PLEKHH2: variants seen among roughly 807,000 people sequenced by gnomAD.
PLEKHH2 encodes the protein pleckstrin homology domain-containing family H member 2.
A neutral mutation model predicts 187.9 loss-of-function variants in PLEKHH2; 129 were observed. The ratio of observed to expected loss-of-function variants is 0.69; its 90% CI spans 0.59 to 0.79. PLEKHH2 has a LOEUF of 0.79. Among genes scored for constraint, PLEKHH2 ranks in the 30% least tolerant of loss-of-function variants. PLEKHH2 has a pLI of 0.00. For missense variants in PLEKHH2, 2,076 were observed against 1,751.2 expected, an observed-to-expected ratio of 1.19 and a Z score of -3.31; for synonymous variants, 686 against 605.6, an observed-to-expected ratio of 1.13 and a Z score of -1.95.
chr2:43,647,378 C>G (rs1212299781), intron 2 of PLEKHH2, among the ~76,000 whole-genome samples: 1 of 152,282 alleles, frequency 6.6e-6, no homozygotes, highest in South Asian at 2.1e-4. Flanking sequence ...GTAGTGGAGC[C>G]AAGATTCAAA....
chr2:43,740,896 A>C (rs151076939), intron 20 of PLEKHH2, 50 bp from the exon 21 acceptor site: 4 of 1,598,328 alleles, frequency 2.5e-6, no homozygotes, highest in African/African-American at 1.3e-5. Flanking sequence ...TCAGATGTGG[A>C]TCTCTGACTG....
intron 17 of PLEKHH2, among the ~76,000 whole-genome samples, 189 bp from the exon 18 acceptor site, chr2:43,729,448 G>A (rs1355309797): frequency 1.3e-5 from 2 of 152,258 alleles, no homozygotes; most frequent in East Asian, 3.9e-4. Context: ...AATGGGAAAA[G>A]GTAATATAAA....
intron 2 of PLEKHH2, among the ~76,000 whole-genome samples, chr2:43,659,384 T>A (rs1018938136): frequency 1.3e-5 from 2 of 151,986 alleles, no homozygotes; most frequent in African/African-American, 4.8e-5. Flanking sequence ...TCAATTCTTG[T>A]CCTTTAAAAA....
intron 25 of PLEKHH2, 60 bp from the exon 26 acceptor site, chr2:43,757,059 C>T (rs950277086): frequency 4.6e-6 from 6 of 1,305,224 alleles, no homozygotes; most frequent in Non-Finnish European, 6.1e-6. Context: ...ATAAAACTAA[C>T]TGATTTTCTG....
intron 10 of PLEKHH2, among the ~76,000 whole-genome samples, chr2:43,706,796 T>C (rs965502018): frequency 3.3e-5 from 5 of 152,192 alleles, no homozygotes; most frequent in African/African-American, 9.7e-5. Flanking sequence ...GGATTGCAGG[T>C]ATTGACAACC....
intron 8 of PLEKHH2, 78 bp from the exon 9 acceptor site, chr2:43,703,903 T>A (rs1325720805): frequency 1.7e-5 from 15 of 869,032 alleles, no homozygotes; most frequent in Non-Finnish European, 2.5e-5. Context: ...AAAACATGTG[T>A]ATTGAAAGTA....
At chr2:43,640,995 C>A (rs6713899) in intron 1 of PLEKHH2, among the ~76,000 whole-genome samples, 89,756 of 145,762 alleles carry the variant, frequency 0.62, 28,215 homozygotes, top group Middle Eastern at 0.69. Flanking sequence ...GTTTTGCCAC[C>A]TTGCCCAGGC....
At chr2:43,747,994 G>T (rs1572657056) in intron 24 of PLEKHH2, among the ~76,000 whole-genome samples, 1 of 152,260 alleles carries the variant, frequency 6.6e-6, no homozygotes, top group East Asian at 1.9e-4. Context: ...CATATTCTTT[G>T]TCAATGTTTT....
intron 28 of PLEKHH2, among the ~76,000 whole-genome samples, chr2:43,763,092 A>T (rs1672491185): frequency 6.6e-6 from 1 of 152,110 alleles, no homozygotes; most frequent in Non-Finnish European, 1.5e-5. Flanking sequence ...CTTAAAAAAC[A>T]AACACACACA....
At chr2:43,666,829 T>G (rs1235556295) in intron 2 of PLEKHH2, among the ~76,000 whole-genome samples, 1 of 152,188 alleles carries the variant, frequency 6.6e-6, no homozygotes, top group East Asian at 1.9e-4. Context: ...TTGTAAAAAT[T>G]CCTTATATAT....
At chr2:43,744,070 G>A (rs1671680078) in intron 23 of PLEKHH2, 81 bp downstream of exon 23, 1 of 1,509,898 alleles carries the variant, frequency 6.6e-7, no homozygotes, top group South Asian at 1.4e-5. Flanking sequence ...AACTTTGCAA[G>A]AAGTTTAATT....
rs141518974 is a variant in PLEKHH2, at chr2:43,721,665, C to G, written c.2541+916C>G. ...TTGGGAGGCCAAGAGGTGGGAGGATCGTTTGAGCCCAGGAGTTTGAGACCA... is the reference window on the plus strand; with the variant it reads ...TTGGGAGGCCAAGAGGTGGGAGGATGGTTTGAGCCCAGGAGTTTGAGACCA... On this transcript the variant is annotated intron_variant, in intron 16 of 29. Transcript: ENST00000282406. Among the ~76,000 whole-genome samples, 368 of 152,236 alleles carry G rather than the reference C, an allele frequency of 2.4e-3. 1 individual carries two copies. Among genetic ancestry groups the G allele is most frequent in the African/African-American group, 8.4e-3 (349 of 41,548 alleles).
Position 43,657,794 on chromosome 2 carries a change from T to A in PLEKHH2, c.123+12998T>A, listed in dbSNP as rs181468433. 1.1e-4 allele frequency among the ~76,000 whole-genome samples: 17 copies of A among 152,328 alleles called. No homozygotes were observed. In the East Asian group the frequency reaches 3.1e-3, roughly 28 times the overall value. On this transcript the variant is annotated intron_variant, in intron 2 of 29. Transcript: ENST00000282406. ...TGCAGAAGATGATCTCTAAATGTAT[T>A]CCCAGTATCTGCAGCATTGATAGAT...
chr2:43,731,041 A>T (rs1466787804), intron 18 of PLEKHH2, among the ~76,000 whole-genome samples: 2 of 152,198 alleles, frequency 1.3e-5, no homozygotes, highest in African/African-American at 4.8e-5. Context: ...AGATTATCCA[A>T]AACAGGAACA....
At chr2:43,685,606 C>CT (rs34341551) in intron 3 of PLEKHH2, among the ~76,000 whole-genome samples, 49,837 of 135,576 alleles carry the variant, frequency 0.37, 9,925 homozygotes, top group Middle Eastern at 0.45. Context: ...GTTTTTTAAC[C>CT]TTTTTTTTTT....
intron 3 of PLEKHH2, among the ~76,000 whole-genome samples, chr2:43,684,608 C>T (rs943618895): frequency 6.6e-6 from 1 of 150,854 alleles, no homozygotes; most frequent in African/African-American, 2.4e-5. Flanking sequence ...AAAAAAGGAT[C>T]CTTGTTCCCG....
At chr2:43,710,724 C>G in intron 14 of PLEKHH2, 149 bp downstream of exon 14, 2 of 1,419,900 alleles carry the variant, frequency 1.4e-6, no homozygotes, top group South Asian at 1.6e-5. Flanking sequence ...GTATGTGAAA[C>G]TCCACGAATT....
rs1337431800 is a variant in PLEKHH2 at position 43,738,385 on chromosome 2, T to G, written c.2988T>G (p.Ile996Met). 6.2e-7 allele frequency: 1 copy of G among 1,613,098 alleles called. No homozygotes were observed. The highest frequency in any genetic ancestry group is 8.5e-7 in the Non-Finnish European group (1 of 1,179,390). The change falls in exon 20 of 30, where the codon ATT (isoleucine) becomes ATG (methionine). Residue 996 changes from isoleucine (I) to methionine (M), a missense_variant. Ile to Met is a conservative substitution (Grantham distance 10). Coordinates refer to ENST00000282406, the MANE Select transcript of PLEKHH2 (RefSeq NM_172069.4). The stretch of plus-strand genomic sequence containing the variant: ...ATGCTGCAGTTGACTCTCCTGCAAT[T>G]GATTACCACATATCTTTAGCCCAGA... ...FINAAVDSPAIDYHISLAQSA... is the reference protein window; with the variant it reads ...FINAAVDSPAMDYHISLAQSA...
chr2:43,744,884 A>AAAAAAAAAAAAAAAG (rs1558608494), intron 23 of PLEKHH2, among the ~76,000 whole-genome samples: 5 of 149,378 alleles, frequency 3.3e-5, no homozygotes, highest in African/African-American at 7.4e-5. Flanking sequence ...AAAAAAAAAA[A>AAAAAAAAAAAAAAAG]AAAGAAAAAG....
Sources: allele counts gnomAD v4.1 joint callset (sites outside exome capture counted in the v4.1 genomes callset), GRCh38; gene constraint gnomAD v4.1.1; transcripts MANE v1.5; gene names NCBI Gene and HGNC (gene_info 2026-07-23, HGNC 2026-07-21).